The following PKD1L1 variants were observed in gnomAD, a reference collection of about 807,000 sequenced individuals.
PKD1L1 encodes polycystin-1-like protein 1.
Under a neutral mutation model 323.4 loss-of-function variants are expected in PKD1L1, and 236 were observed. The ratio of observed to expected loss-of-function variants is 0.73; its 90% CI spans 0.66 to 0.81. PKD1L1 has a LOEUF of 0.81. Ranked by LOEUF, PKD1L1 falls within the 40% of genes least tolerant of loss-of-function variation. The probability of loss-of-function intolerance (pLI) is 0.00; values close to 1 mark genes in which losing one functional copy is unlikely to be tolerated. For missense variants in PKD1L1, 3,320 were observed against 3,508.0 expected, an observed-to-expected ratio of 0.95 and a Z score of 1.35; for synonymous variants, 1,344 against 1,335.0, an observed-to-expected ratio of 1.01 and a Z score of -0.15.
chr7:47,867,307 C>T (rs957397896), intron 24 of PKD1L1, among the ~76,000 whole-genome samples: 6 of 152,076 alleles, frequency 3.9e-5, no homozygotes, highest in African/African-American at 1.4e-4. Flanking sequence ...GAGACTAAGA[C>T]CCTAGGAAGC....
intron 7 of PKD1L1, among the ~76,000 whole-genome samples, chr7:47,920,299 A>AAC (rs761724514): frequency 5.4e-4 from 15 of 27,548 alleles, no homozygotes; most frequent in East Asian, 8.5e-4. Context: ...AAACAAAAAC[A>AAC]AAAAAAAAAA....
At position 47,790,036 on chromosome 7, in the gene PKD1L1, G is replaced by A. The variant is rs563257463; in HGVS notation, c.8526+2591C>T. 8.7e-5 allele frequency among the ~76,000 whole-genome samples: 13 copies of A among 149,804 alleles called. 1 individual carries two copies. In the South Asian group the frequency reaches 2.1e-3, roughly 25 times the overall value. On this transcript the variant is annotated intron_variant, in intron 56 of 56. Coordinates refer to ENST00000289672, the MANE Select transcript of PKD1L1 (RefSeq NM_138295.5). ...CCCGAGTAGCTGGGACTACAGCCGC[G>A]TGCCATGACGCCCAGCTAATTTTTT...
intron 7 of PKD1L1, among the ~76,000 whole-genome samples, chr7:47,916,547 A>C (rs918481880): frequency 6.6e-6 from 1 of 152,202 alleles, no homozygotes; most frequent in Non-Finnish European, 1.5e-5. Flanking sequence ...GAGGACCCAC[A>C]GACTCCCTGA....
At chr7:47,945,004 A>T (rs1279569062) in intron 1 of PKD1L1, among the ~76,000 whole-genome samples, 1 of 152,154 alleles carries the variant, frequency 6.6e-6, no homozygotes, top group Non-Finnish European at 1.5e-5. Context: ...TCCCAGCTCC[A>T]TATAGGCTGC....
chr7:47,858,419 C>T (rs990432753), intron 27 of PKD1L1, among the ~76,000 whole-genome samples: 2 of 151,828 alleles, frequency 1.3e-5, no homozygotes, highest in African/African-American at 4.8e-5. Flanking sequence ...CCCAAATATC[C>T]CAAATGAAAA....
chr7:47,884,332 C>A (rs1234877271), intron 19 of PKD1L1, among the ~76,000 whole-genome samples: 1 of 152,128 alleles, frequency 6.6e-6, no homozygotes, highest in Non-Finnish European at 1.5e-5. Context: ...CACTCCATGA[C>A]CAAGGCATGG....
chr7:47,796,037 C>G lies in PKD1L1; in HGVS notation c.8307G>C (p.Leu2769=). ...CTTCCAACTTTGGTGTTTCCAGTCTCAGAAAGGTGAGGACCTTTTCCCACA... is the reference window on the plus strand; with the variant it reads ...CTTCCAACTTTGGTGTTTCCAGTCTGAGAAAGGTGAGGACCTTTTCCCACA... ...AYMWEKVLTF[L]RLETPKLEEA... is the part of the protein sequence containing the mutation. Residue 2769 remains leucine, a synonymous_variant, in exon 55 of 57, where the codon CTG becomes CTC. Transcript: ENST00000289672. 1 of 1,613,164 alleles carries G rather than the reference C, an allele frequency of 6.2e-7. No individual in the cohort carries two copies. Among genetic ancestry groups the G allele is most frequent in the Non-Finnish European group, 8.5e-7 (1 of 1,179,682 alleles).
intron 46 of PKD1L1, among the ~76,000 whole-genome samples, chr7:47,817,742 C>T (rs553582999): frequency 7.2e-5 from 11 of 152,066 alleles, no homozygotes; most frequent in African/African-American, 2.2e-4. Context: ...TGGTGATGGG[C>T]GCCTGTAGTC....
chr7:47,899,272 A>G (rs1048239550), intron 13 of PKD1L1, among the ~76,000 whole-genome samples: 4 of 152,224 alleles, frequency 2.6e-5, no homozygotes, highest in African/African-American at 7.2e-5. Flanking sequence ...AGTCTTTTAA[A>G]GTGATGGGTT....
chr7:47,898,149 C>T lies in PKD1L1; in HGVS notation c.2110G>A (p.Ala704Thr). 6.2e-7 allele frequency: 1 copy of T among 1,614,152 alleles called. No homozygotes were observed. The highest frequency in any genetic ancestry group is 8.5e-7 in the Non-Finnish European group (1 of 1,180,014). Residue 704 changes from alanine (A) to threonine (T), a missense_variant, in exon 14 of 57, where the codon GCA becomes ACA. Transcript: ENST00000289672. ...PVRLGVTFEA[A>T]VFCDISQGLS... The stretch of plus-strand genomic sequence containing the variant: ...CCTTGGGAAATATCACAGAAGACTG[C>T]AGCTTCAAACGTCACTCCCAGCCTC...
At chr7:47,797,882 T>C (rs1398887393) in intron 54 of PKD1L1, among the ~76,000 whole-genome samples, 2 of 152,220 alleles carry the variant, frequency 1.3e-5, no homozygotes, top group African/African-American at 4.8e-5. Flanking sequence ...TAAAATTGCC[T>C]ATCATTGTGT....
intron 21 of PKD1L1, among the ~76,000 whole-genome samples, chr7:47,880,400 G>A (rs2128746579): frequency 6.8e-6 from 1 of 147,820 alleles, no homozygotes; most frequent in African/African-American, 2.5e-5. Flanking sequence ...TCCTGCCTCG[G>A]CCTCTCGAAT....
chr7:47,805,360 C>T (rs1310889835), intron 52 of PKD1L1, among the ~76,000 whole-genome samples: 2 of 152,210 alleles, frequency 1.3e-5, no homozygotes, highest in African/African-American at 4.8e-5. Flanking sequence ...GAAGATGACT[C>T]GTTCTTCCTG....
At chr7:47,869,558 G>A (rs1367075289) in intron 24 of PKD1L1, among the ~76,000 whole-genome samples, 1 of 152,074 alleles carries the variant, frequency 6.6e-6, no homozygotes, top group Non-Finnish European at 1.5e-5. Flanking sequence ...CACCAGGAAG[G>A]TTAAAAAATT....
chr7:47,915,155 C>G (rs1252087199), intron 8 of PKD1L1, among the ~76,000 whole-genome samples: 2 of 152,178 alleles, frequency 1.3e-5, no homozygotes, highest in East Asian at 3.8e-4. Context: ...GGAATGCAAA[C>G]CTCCTCTAAA....
chr7:47,869,538 T>G (rs529335143), intron 24 of PKD1L1, among the ~76,000 whole-genome samples: 1 of 152,178 alleles, frequency 6.6e-6, no homozygotes, highest in Non-Finnish European at 1.5e-5. Flanking sequence ...AATGATAATG[T>G]AGGTAAATTC....
intron 26 of PKD1L1, 51 bp from the exon 27 acceptor site, chr7:47,858,936 T>G (rs1485320713): frequency 1.3e-6 from 2 of 1,580,118 alleles, no homozygotes; most frequent in Admixed American, 3.4e-5. Flanking sequence ...GAGCAAGGAG[T>G]GCCCGGGTGT....
chr7:47,908,084 AT>A lies in PKD1L1; in HGVS notation c.1394del (p.Asn465IlefsTer36), dbSNP rs1462326657. On this transcript the variant is annotated frameshift_variant, in exon 9 of 57. Transcript: ENST00000289672. LOFTEE classifies it high-confidence loss of function. ...TCCAGACATACGTCTTACTTTTCTG[AT>A]TCACTTGGGAGTCAGCAAAGACAAG... ...EVLVFADSQVNQKSTVVIHHF... is the reference protein window; with the variant it reads ...EVLVFADSQVXQKSTVVIHHF... The A allele has an allele frequency of 3.7e-6, 6 of 1,613,334 alleles. No individual in the cohort carries two copies. The East Asian group carries it at 1.1e-4, about 30-fold the overall frequency.
Position 47,844,998 on chromosome 7 carries a change from T to G in PKD1L1, c.5234A>C (p.Gln1745Pro). ...TTATGTAGGAAATGGAACTTACCTC[T>G]GTAGCTTGGAAATGTCACTCACTTC... ...SFEVSDISKLQSHPENLLPSI... is the reference protein window; with the variant it reads ...SFEVSDISKLPSHPENLLPSI... The change falls in exon 33 of 57, where the codon CAG (glutamine) becomes CCG (proline). Residue 1745 changes from glutamine (Q) to proline (P), a missense_variant. By Grantham distance (76) the Gln-to-Pro change is moderately conservative (BLOSUM62 -1). Transcript: ENST00000289672. 1 of 1,613,048 alleles carries G rather than the reference T, an allele frequency of 6.2e-7. No individual in the cohort carries two copies. Among genetic ancestry groups the G allele is most frequent in the Non-Finnish European group, 8.5e-7 (1 of 1,179,126 alleles).
Sources: gnomAD v4.1 joint callset for allele counts (sites outside exome capture counted in the v4.1 genomes callset) on GRCh38, gnomAD v4.1.1 for gene constraint, MANE v1.5 for transcripts, NCBI Gene and HGNC (gene_info 2026-07-23, HGNC 2026-07-21) for gene names.